ADGRL4: variants seen among roughly 807,000 people sequenced by gnomAD.
The protein encoded by ADGRL4 is EGF, latrophilin and seven transmembrane domain containing 1.
In ADGRL4, 90 loss-of-function variants were observed where a neutral mutation model predicts 74.8. The observed-to-expected ratio is 1.20, with a 90% CI of 1.02 to 1.43. The LOEUF is 1.43. Among genes scored for constraint, ADGRL4 ranks in the 40% most tolerant of loss-of-function variants. ADGRL4 has a pLI of 0.00. For missense variants in ADGRL4, 881 were observed against 814.3 expected, an observed-to-expected ratio of 1.08 and a Z score of -1.00; for synonymous variants, 311 against 279.2, an observed-to-expected ratio of 1.11 and a Z score of -1.14.
intron 7 of ADGRL4, among the ~76,000 whole-genome samples, 157 bp downstream of exon 7, chr1:78,936,123 CAAAAAAAAAAAAAAA>C (rs34223643): frequency 5.2e-5 from 1 of 19,330 alleles, no homozygotes; most frequent in Non-Finnish European, 9.7e-5. Flanking sequence ...GACTCCGTCT[CAAAAAAAAAAAAAAA>C]AAAAAAAAAG....
chr1:78,945,177 A>AAAAAAAAAATATATATATATAT (rs376405445), intron 3 of ADGRL4, among the ~76,000 whole-genome samples: 2 of 127,924 alleles, frequency 1.6e-5, no homozygotes, highest in African/African-American at 2.9e-5. Flanking sequence ...AAAAAAAAAA[A>AAAAAAAAAATATATATATATAT]ATATATATAT....
chr1:78,965,350 C>A (rs1650034233), intron 2 of ADGRL4, among the ~76,000 whole-genome samples: 1 of 152,094 alleles, frequency 6.6e-6, no homozygotes, highest in Non-Finnish European at 1.5e-5. Context: ...GCATTAACTC[C>A]TTGTACTTGC....
At chr1:78,957,043 G>A (rs1649849495) in intron 2 of ADGRL4, among the ~76,000 whole-genome samples, 1 of 152,124 alleles carries the variant, frequency 6.6e-6, no homozygotes, top group African/African-American at 2.4e-5. Flanking sequence ...TATGTGATTA[G>A]TGTTCTTTGA....
intron 12 of ADGRL4, among the ~76,000 whole-genome samples, chr1:78,912,021 A>G (rs1648772763): frequency 6.6e-6 from 1 of 151,738 alleles, no homozygotes; most frequent in Non-Finnish European, 1.5e-5. Context: ...GCACTTCTAT[A>G]CTGCAGGGTG....
intron 2 of ADGRL4, among the ~76,000 whole-genome samples, chr1:78,956,328 C>T (rs1476703135): frequency 6.6e-6 from 1 of 152,126 alleles, no homozygotes; most frequent in Non-Finnish European, 1.5e-5. Context: ...TTCTGGAAGC[C>T]TACATTGGTT....
intron 2 of ADGRL4, among the ~76,000 whole-genome samples, chr1:78,987,557 A>G (rs369276857): frequency 2.6e-5 from 4 of 151,930 alleles, no homozygotes; most frequent in African/African-American, 9.6e-5. Context: ...ACTGAGAAAA[A>G]TTTTAGGACA....
At chr1:78,949,434 C>T (rs953908143) in intron 2 of ADGRL4, among the ~76,000 whole-genome samples, 4 of 152,230 alleles carry the variant, frequency 2.6e-5, no homozygotes, top group African/African-American at 9.6e-5. Flanking sequence ...ATCTATCTCC[C>T]TATCTTCTGG....
At chr1:78,965,643 T>C (rs60091606) in intron 2 of ADGRL4, among the ~76,000 whole-genome samples, 2,192 of 152,326 alleles carry the variant, frequency 0.014, 55 homozygotes, top group African/African-American at 0.05. Context: ...GTATCCATTT[T>C]TACCAATCTT....
In ADGRL4 at chr1:78,903,918, C is replaced by T. The variant is rs572701299; in HGVS notation, c.1750-10729G>A. On this transcript the variant is annotated intron_variant, in intron 12 of 14. Transcript: ENST00000370742. ...GCCACTGCACTCCAGCCTGGTGACACAGCGAGACTCCATATAAAATAAATA... is the reference window on the plus strand; with the variant it reads ...GCCACTGCACTCCAGCCTGGTGACATAGCGAGACTCCATATAAAATAAATA... Among the ~76,000 whole-genome samples, 11 of 149,936 alleles carry T rather than the reference C, an allele frequency of 7.3e-5. No individual in the cohort carries two copies. In the South Asian group the frequency reaches 2.3e-3, roughly 32 times the overall value.
At chr1:78,997,224 G>A (rs1448708236) in intron 2 of ADGRL4, among the ~76,000 whole-genome samples, 1 of 152,064 alleles carries the variant, frequency 6.6e-6, no homozygotes. Flanking sequence ...TGGTACTGAG[G>A]TGATACACTC....
intron 2 of ADGRL4, among the ~76,000 whole-genome samples, chr1:78,963,774 AG>A (rs1650001074): frequency 6.6e-6 from 1 of 152,214 alleles, no homozygotes; most frequent in Non-Finnish European, 1.5e-5. Context: ...AAATAACTAA[AG>A]CATGTGAAGA....
intron 2 of ADGRL4, among the ~76,000 whole-genome samples, chr1:78,994,438 T>C (rs972730823): frequency 1.3e-5 from 2 of 152,182 alleles, no homozygotes; most frequent in African/African-American, 2.4e-5. Context: ...CAAACCAGAA[T>C]TGTCGCATTT....
At chr1:78,948,250 T>C (rs1157918559) in intron 2 of ADGRL4, among the ~76,000 whole-genome samples, 1 of 152,156 alleles carries the variant, frequency 6.6e-6, no homozygotes, top group African/African-American at 2.4e-5. Flanking sequence ...GAGCTTCTCC[T>C]GGAGACCAAC....
At chr1:78,999,741 T>C (rs1570281002) in intron 2 of ADGRL4, among the ~76,000 whole-genome samples, 1 of 152,144 alleles carries the variant, frequency 6.6e-6, no homozygotes, top group South Asian at 2.1e-4. Flanking sequence ...TTTATTGTCA[T>C]TGATCCCTTA....
intron 2 of ADGRL4, among the ~76,000 whole-genome samples, chr1:78,999,571 TTAAA>T (rs575303028): frequency 5.9e-5 from 9 of 151,986 alleles, no homozygotes; most frequent in African/African-American, 1.9e-4. Flanking sequence ...AGACTCCGTC[TTAAA>T]TAAATAAATA....
chr1:78,894,834 T>A (rs138365670), intron 12 of ADGRL4, among the ~76,000 whole-genome samples: 434 of 152,064 alleles, frequency 2.9e-3, no homozygotes, highest in African/African-American at 9.8e-3. Context: ...AGCTGTTCTC[T>A]AGATCCACAA....
intron 2 of ADGRL4, among the ~76,000 whole-genome samples, chr1:78,970,447 G>A (rs1557516451): frequency 6.6e-6 from 1 of 152,182 alleles, no homozygotes; most frequent in Non-Finnish European, 1.5e-5. Context: ...AGACATAGGT[G>A]AGAGTGGATA....
At chr1:78,999,882 A>G (rs1650806946) in intron 2 of ADGRL4, among the ~76,000 whole-genome samples, 4 of 152,014 alleles carry the variant, frequency 2.6e-5, no homozygotes, top group Admixed American at 2.6e-4. Context: ...CTGATGGTAG[A>G]GCCTGAAGTA....
intron 2 of ADGRL4, among the ~76,000 whole-genome samples, chr1:78,998,618 G>A (rs1650771446): frequency 6.6e-6 from 1 of 151,990 alleles, no homozygotes; most frequent in African/African-American, 2.4e-5. Flanking sequence ...CACCTGCCTC[G>A]GCTTAGCAAA....
Sources: gnomAD v4.1 joint callset for allele counts (sites outside exome capture counted in the v4.1 genomes callset) on GRCh38, gnomAD v4.1.1 for gene constraint, MANE v1.5 for transcripts, NCBI Gene and HGNC (gene_info 2026-07-23, HGNC 2026-07-21) for gene names.